The following VTI1A variants were observed in gnomAD, a reference collection of about 807,000 sequenced individuals.
The protein encoded by VTI1A is vesicle transport through interaction with t-SNAREs 1A.
Under a neutral mutation model 34.9 loss-of-function variants are expected in VTI1A, and 22 were observed. That is an observed-to-expected ratio of 0.63 (90% confidence interval 0.45 to 0.90). The LOEUF (loss-of-function observed/expected upper bound fraction) is 0.90, where lower values mean the gene tolerates loss of function less well. VTI1A is among the 40% of genes least tolerant of loss of function. The pLI is 0.00. For synonymous variants in VTI1A, 87 were observed against 97.3 expected (o/e 0.89, Z 0.62); for missense variants, 268 against 275.6 (o/e 0.97, Z 0.20).
At chr10:112,697,219 G>A (rs1019917331) in intron 7 of VTI1A, among the ~76,000 whole-genome samples, 6 of 149,854 alleles carry the variant, frequency 4.0e-5, no homozygotes, top group Non-Finnish European at 7.4e-5. Context: ...TTCCAGACAG[G>A]GTCTTGCTCT....
chr10:112,778,943 A>G (rs1852031510), intron 7 of VTI1A, among the ~76,000 whole-genome samples: 1 of 152,220 alleles, frequency 6.6e-6, no homozygotes, highest in Non-Finnish European at 1.5e-5. Context: ...GAAGTTCAGG[A>G]ACTGAGTGAC....
chr10:112,576,844 T>C (rs1045669900), intron 5 of VTI1A, among the ~76,000 whole-genome samples: 3 of 152,168 alleles, frequency 2.0e-5, no homozygotes, highest in Non-Finnish European at 4.4e-5. Flanking sequence ...CACGTCACAA[T>C]TTATATTACA....
intron 4 of VTI1A, among the ~76,000 whole-genome samples, chr10:112,528,208 G>T (rs1308716694): frequency 2.0e-5 from 3 of 152,016 alleles, no homozygotes; most frequent in African/African-American, 4.8e-5. Context: ...TATAAAAATT[G>T]CATAATTGTA....
intron 5 of VTI1A, among the ~76,000 whole-genome samples, chr10:112,653,381 G>A (rs931006522): frequency 2.0e-5 from 3 of 152,072 alleles, no homozygotes; most frequent in Non-Finnish European, 4.4e-5. Context: ...TCCTTCTTTG[G>A]TGTGTGTTTG....
chr10:112,496,801 A>G (rs1401239858), intron 3 of VTI1A, among the ~76,000 whole-genome samples: 5 of 152,310 alleles, frequency 3.3e-5, no homozygotes, highest in East Asian at 3.9e-4. Context: ...CTCTGAATGT[A>G]TATGTGATCA....
At chr10:112,779,348 A>G (rs1590176815) in intron 7 of VTI1A, among the ~76,000 whole-genome samples, 1 of 152,322 alleles carries the variant, frequency 6.6e-6, no homozygotes, top group Admixed American at 6.5e-5. Flanking sequence ...AGTGGCTGCC[A>G]GCTTTATCTT....
chr10:112,752,657 A>C (rs1851142121), intron 7 of VTI1A: 2 of 805,964 alleles, frequency 2.5e-6, no homozygotes, highest in Admixed American at 1.2e-4. Flanking sequence ...GGTGAAGAAC[A>C]GCTTCTAGAA....
chr10:112,662,399 A>G (rs1053107683), intron 5 of VTI1A, among the ~76,000 whole-genome samples: 6 of 152,028 alleles, frequency 3.9e-5, no homozygotes, highest in African/African-American at 1.4e-4. Flanking sequence ...AACTATGTTC[A>G]TGTTCAGTGA....
chr10:112,486,771 A>C (rs1848652208), intron 3 of VTI1A, among the ~76,000 whole-genome samples: 1 of 138,152 alleles, frequency 7.2e-6, no homozygotes, highest in Admixed American at 7.2e-5. Flanking sequence ...ACAATAACAC[A>C]CTCAAAGACC....
chr10:112,718,477 T>C (rs1245643830), intron 7 of VTI1A, among the ~76,000 whole-genome samples: 3 of 152,264 alleles, frequency 2.0e-5, no homozygotes, highest in Non-Finnish European at 4.4e-5. Flanking sequence ...CTACTTCAAG[T>C]GTGCTATCTT....
At chr10:112,533,926 A>G (rs1292176171) in intron 4 of VTI1A, among the ~76,000 whole-genome samples, 2 of 151,878 alleles carry the variant, frequency 1.3e-5, no homozygotes, top group Admixed American at 1.3e-4. Flanking sequence ...TTTTTTTCTA[A>G]CATTCTGATT....
intron 1 of VTI1A, among the ~76,000 whole-genome samples, chr10:112,459,089 T>C (rs1285995088): frequency 6.6e-6 from 1 of 152,164 alleles, no homozygotes. Context: ...GTTGTGTTAG[T>C]CAGTCTCATT....
At chr10:112,669,419 A>G (rs1590049547) in intron 7 of VTI1A, among the ~76,000 whole-genome samples, 1 of 152,200 alleles carries the variant, frequency 6.6e-6, no homozygotes, top group East Asian at 1.9e-4. Flanking sequence ...TCTTTAAGTG[A>G]CGCTGTTTGG....
intron 1 of VTI1A, among the ~76,000 whole-genome samples, chr10:112,453,539 C>A (rs1847318569): frequency 6.6e-6 from 1 of 152,060 alleles, no homozygotes; most frequent in Non-Finnish European, 1.5e-5. Flanking sequence ...CTATTTTATC[C>A]TTTGTGTTAT....
At chr10:112,564,477 A>C (rs543033955) in intron 5 of VTI1A, among the ~76,000 whole-genome samples, 229 of 152,230 alleles carry the variant, frequency 1.5e-3, no homozygotes, top group African/African-American at 4.9e-3. Context: ...TGTGAAGTTA[A>C]AACAGTTAAG....
chr10:112,480,684 G>T (rs1848433360), intron 3 of VTI1A, among the ~76,000 whole-genome samples: 2 of 152,154 alleles, frequency 1.3e-5, no homozygotes, highest in South Asian at 4.1e-4. Context: ...CATGAACAAA[G>T]AATTTTGGGG....
In VTI1A at chr10:112,560,813, T is replaced by C. The variant is rs1589905215; in HGVS notation, c.427+22483T>C. ...GGTTTCACCATGTTGGCCAGGATGG[T>C]CTCTATCTCTTGACCTCAAGTGATC... On this transcript the variant is annotated intron_variant, in intron 5 of 7. Coordinates refer to ENST00000393077, the MANE Select transcript of VTI1A (RefSeq NM_145206.4). Among the ~76,000 whole-genome samples the C allele has an allele frequency of 2.6e-5, 4 of 152,128 alleles. No individual in the cohort carries two copies. In the East Asian group the frequency reaches 7.7e-4, roughly 29 times the overall value.
At chr10:112,737,513 C>T (rs117111888) in intron 7 of VTI1A, 33 of 1,050,410 alleles carry the variant, frequency 3.1e-5, no homozygotes, top group East Asian at 2.2e-4. Flanking sequence ...ATGCCTTAGA[C>T]GGGGTGTGCA....
chr10:112,581,828 G>C (rs118094557), intron 5 of VTI1A, among the ~76,000 whole-genome samples: 1 of 152,162 alleles, frequency 6.6e-6, no homozygotes, highest in Non-Finnish European at 1.5e-5. Context: ...GGCACTTTAG[G>C]TTGATAGTAT....
Sources: allele counts gnomAD v4.1 joint callset (sites outside exome capture counted in the v4.1 genomes callset), GRCh38; gene constraint gnomAD v4.1.1; transcripts MANE v1.5; gene names NCBI Gene and HGNC (gene_info 2026-07-23, HGNC 2026-07-21).